Variants in PHACTR3 observed in about 807,000 individuals in gnomAD.
PHACTR3 encodes phosphatase and actin regulator 3, also known as protein phosphatase 1, regulatory subunit 123.
A neutral mutation model predicts 66.8 loss-of-function variants in PHACTR3; 16 were observed. The observed-to-expected ratio is 0.24, with a 90% confidence interval of 0.16 to 0.36. The LOEUF is 0.36. Among genes scored for constraint, PHACTR3 ranks in the 10% least tolerant of loss-of-function variants. PHACTR3 has a pLI of 1.00. For missense variants in PHACTR3, 647 were observed against 719.9 expected, an observed-to-expected ratio of 0.90 and a Z score of 1.16; for synonymous variants, 323 against 292.1, an observed-to-expected ratio of 1.11 and a Z score of -1.08.
At chr20:59,839,582 G>A (rs1415648985) in intron 9 of PHACTR3, among the ~76,000 whole-genome samples, 1 of 152,128 alleles carries the variant, frequency 6.6e-6, no homozygotes, top group East Asian at 1.9e-4. Flanking sequence ...CCAGAAATAG[G>A]ACAGCCATTA....
At chr20:59,612,977 A>G (rs1433969064) in intron 1 of PHACTR3, among the ~76,000 whole-genome samples, 2 of 152,030 alleles carry the variant, frequency 1.3e-5, no homozygotes, top group African/African-American at 4.8e-5. Flanking sequence ...GCTTTTTTAA[A>G]CAACCAGATC....
chr20:59,691,240 T>C (rs977931898), intron 1 of PHACTR3, among the ~76,000 whole-genome samples: 2 of 152,204 alleles, frequency 1.3e-5, no homozygotes, highest in African/African-American at 4.8e-5. Context: ...GTCAGAAGCT[T>C]CCTCTGATTG....
rs1356305629 is a variant in PHACTR3 at position 59,841,145 on chromosome 20, G to A, written c.1447-250G>A. On this transcript the variant is annotated intron_variant, in intron 10 of 12. Coordinates refer to ENST00000371015, the MANE Select transcript of PHACTR3 (RefSeq NM_080672.5). ...TAATTCACTAACCATTCCTTGAGCTGGTGCTATGTACTACTGGGGGTGTGA... is the reference window on the plus strand; with the variant it reads ...TAATTCACTAACCATTCCTTGAGCTAGTGCTATGTACTACTGGGGGTGTGA... 2.6e-5 allele frequency among the ~76,000 whole-genome samples: 4 copies of A among 152,218 alleles called. No individual in the cohort carries two copies. In the East Asian group the frequency reaches 7.7e-4, roughly 29 times the overall value.
intron 1 of PHACTR3, among the ~76,000 whole-genome samples, chr20:59,730,599 G>T (rs1468925407): frequency 6.6e-6 from 1 of 152,170 alleles, no homozygotes; most frequent in East Asian, 1.9e-4. Context: ...CCAGGGGTTA[G>T]AAGTGAAATG....
chr20:59,836,700 T>A, intron 9 of PHACTR3, 140 bp downstream of exon 9: 1 of 779,240 alleles, frequency 1.3e-6, no homozygotes, highest in East Asian at 3.1e-5. Flanking sequence ...GCTGCTGAAT[T>A]CTGAAAGCAA....
chr20:59,843,289 G>C (rs1366333220), intron 11 of PHACTR3, among the ~76,000 whole-genome samples: 1 of 151,758 alleles, frequency 6.6e-6, no homozygotes, highest in Non-Finnish European at 1.5e-5. Context: ...ACCATAAAAT[G>C]ACCAATGCAA....
chr20:59,750,230 G>A (rs1217758186), intron 3 of PHACTR3, among the ~76,000 whole-genome samples: 1 of 151,670 alleles, frequency 6.6e-6, no homozygotes, highest in Non-Finnish European at 1.5e-5. Flanking sequence ...TCGGGGGGCC[G>A]GGAGATGTTT....
chr20:59,622,630 T>C (rs935291687), intron 1 of PHACTR3, among the ~76,000 whole-genome samples: 3 of 152,128 alleles, frequency 2.0e-5, no homozygotes, highest in Non-Finnish European at 4.4e-5. Flanking sequence ...GCCCAGAGAC[T>C]GCCCCGGCAC....
intron 8 of PHACTR3, among the ~76,000 whole-genome samples, chr20:59,831,271 G>C (rs939993613): frequency 6.6e-6 from 1 of 152,176 alleles, no homozygotes; most frequent in African/African-American, 2.4e-5. Flanking sequence ...CTGCATTCCA[G>C]GGCCTGCCCA....
chr20:59,652,576 A>G (rs1340690849), intron 1 of PHACTR3, among the ~76,000 whole-genome samples: 1 of 152,144 alleles, frequency 6.6e-6, no homozygotes, highest in African/African-American at 2.4e-5. Context: ...AAAAATGCTA[A>G]TCTCATCAAA....
chr20:59,653,776 T>A (rs1225779787), intron 1 of PHACTR3, among the ~76,000 whole-genome samples: 1 of 152,190 alleles, frequency 6.6e-6, no homozygotes, highest in Non-Finnish European at 1.5e-5. Flanking sequence ...AAATCTTACA[T>A]TTAAATTAGA....
intron 4 of PHACTR3, among the ~76,000 whole-genome samples, chr20:59,757,732 A>G (rs2146831726): frequency 6.6e-6 from 1 of 152,326 alleles, no homozygotes; most frequent in East Asian, 1.9e-4. Context: ...CAGGAGAATC[A>G]CTTGAACCTA....
chr20:59,743,399 G>A (rs2039246853), intron 2 of PHACTR3, 131 bp downstream of exon 2: 7 of 1,221,290 alleles, frequency 5.7e-6, no homozygotes, highest in Non-Finnish European at 7.9e-6. Context: ...CATGGCCTGT[G>A]ATGGCCAGGA....
At chr20:59,758,092 C>T (rs940751824) in intron 4 of PHACTR3, among the ~76,000 whole-genome samples, 7 of 151,784 alleles carry the variant, frequency 4.6e-5, no homozygotes, top group African/African-American at 1.2e-4. Context: ...TTGTAGGAAG[C>T]GCTCTGCTGG....
intron 1 of PHACTR3, among the ~76,000 whole-genome samples, chr20:59,589,906 C>A (rs181622402): frequency 4.2e-4 from 64 of 152,294 alleles, no homozygotes; most frequent in African/African-American, 1.5e-3. Flanking sequence ...TCATGATCTC[C>A]GCCTCCTGGC....
Position 59,755,201 on chromosome 20 carries a change from C to T in PHACTR3, c.378C>T (p.Cys126=), listed in dbSNP as rs768334400. The T allele has an allele frequency of 6.8e-6, 11 of 1,612,726 alleles. No homozygotes were observed. In the African/African-American group the frequency reaches 1.2e-4, roughly 18 times the overall value. The change falls in exon 4 of 13, where the codon TGC becomes TGT. Residue 126 remains cysteine, a synonymous_variant. Coordinates refer to ENST00000371015, the MANE Select transcript of PHACTR3 (RefSeq NM_080672.5). ...MMEQDAESKT[C]NPDGGPRSVQ... ...TTGTAGATGCTGAAAGCAAAACTTG[C>T]AACCCCGATGGAGGACCCCGATCTG...
chr20:59,660,210 C>G (rs1350250072), intron 1 of PHACTR3, among the ~76,000 whole-genome samples: 1 of 152,166 alleles, frequency 6.6e-6, no homozygotes, highest in Non-Finnish European at 1.5e-5. Context: ...AAAACTCACT[C>G]TGGGCTGGGC....
rs976261669 is a variant in PHACTR3 at position 59,723,094 on chromosome 20, CT to C, written c.119-20010del. On this transcript the variant is annotated intron_variant, in intron 1 of 12. Coordinates refer to ENST00000371015, the MANE Select transcript of PHACTR3 (RefSeq NM_080672.5). ...TCTTTCTTTCTTTCTTTCTTTCTTT[CT>C]TTCTTTCTTTCTTTCTTTCTTTCTT... is the stretch of plus-strand genomic sequence containing the variant. Among the ~76,000 whole-genome samples, 10 of 140,834 alleles carry C rather than the reference CT, an allele frequency of 7.1e-5. No homozygotes were observed. The East Asian group carries it at 1.6e-3, about 23-fold the overall frequency. The allele number at this position is 140,834 out of a possible 152,430, so 92.4% of individuals were successfully genotyped here.
At chr20:59,808,192 T>C (rs1394748633) in intron 8 of PHACTR3, among the ~76,000 whole-genome samples, 1 of 152,204 alleles carries the variant, frequency 6.6e-6, no homozygotes, top group Non-Finnish European at 1.5e-5. Context: ...GCTTTCCACA[T>C]TCCAGAGCCA....
Sources: allele counts gnomAD v4.1 joint callset (sites outside exome capture counted in the v4.1 genomes callset), GRCh38; gene constraint gnomAD v4.1.1; transcripts MANE v1.5; gene names NCBI Gene and HGNC (gene_info 2026-07-23, HGNC 2026-07-21).